The following SPAG7 variants were observed in gnomAD, a reference collection of about 807,000 sequenced individuals.
SPAG7 encodes the protein sperm-associated antigen 7.
SPAG7 carries 20 observed loss-of-function variants against 30.6 expected under a neutral mutation model. That is an observed-to-expected ratio of 0.65 (90% CI 0.46 to 0.95). The LOEUF (loss-of-function observed/expected upper bound fraction) is 0.95. Among genes scored for constraint, SPAG7 ranks in the 40% least tolerant of loss-of-function variants. The probability of loss-of-function intolerance (pLI) is 0.00; values close to 1 mark genes in which losing one functional copy is unlikely to be tolerated. For synonymous variants in SPAG7, 127 were observed against 104.2 expected (o/e 1.22, Z -1.33); for missense variants, 276 against 291.1 (o/e 0.95, Z 0.38).
intron 1 of SPAG7, chr17:4,967,319 G>A (rs1264064193): frequency 2.8e-6 from 2 of 718,846 alleles, no homozygotes; most frequent in African/African-American, 1.9e-5. Context: ...GCTTTAAGTT[G>A]AGATAGCCAA....
In SPAG7 at chr17:4,960,122, G is replaced by A; in HGVS notation, c.328-11C>T. 2 of 1,608,766 alleles carry A rather than the reference G, an allele frequency of 1.2e-6. No individual in the cohort carries two copies. Among genetic ancestry groups the A allele is most frequent in the Non-Finnish European group, 1.7e-6 (2 of 1,175,024 alleles). On this transcript the variant is annotated splice_polypyrimidine_tract_variant and intron_variant, in intron 4 of 6. Coordinates refer to ENST00000206020, the MANE Select transcript of SPAG7 (RefSeq NM_004890.3). The stretch of plus-strand genomic sequence containing the variant: ...TGAGGGTGCAAACTCCTGAAGAAGA[G>A]CAGAATGATGGGGTCAGAGTCCATA...
chr17:4,967,699 T>C (rs746946989), intron 1 of SPAG7, 21 bp downstream of exon 1: 1 of 1,591,132 alleles, frequency 6.3e-7, no homozygotes, highest in Non-Finnish European at 8.6e-7. Flanking sequence ...AGGAAGGCGG[T>C]TGTGAATTTG....
At chr17:4,966,539 CAG>C (rs1405934106) in intron 1 of SPAG7, 1 of 966,374 alleles carries the variant, frequency 1.0e-6, no homozygotes, top group East Asian at 1.1e-4. Flanking sequence ...CCTCCTTTCT[CAG>C]AGATTTCAAA....
intron 1 of SPAG7, chr17:4,966,785 G>A (rs1971960708): frequency 3.3e-5 from 33 of 985,466 alleles, no homozygotes; most frequent in Non-Finnish European, 4.0e-5. Flanking sequence ...CCTAACGGTT[G>A]TTCAAGAAAC....
chr17:4,961,314 G>A (rs911545082), intron 1 of SPAG7, among the ~76,000 whole-genome samples: 5 of 151,804 alleles, frequency 3.3e-5, no homozygotes, highest in South Asian at 2.1e-4. Context: ...AAAATTAGCC[G>A]GGTGTGGTGG....
rs1168970981 is a variant in SPAG7 at position 4,959,497 on chromosome 17, C to T, written c.*37G>A. 6.4e-7 allele frequency: 1 copy of T among 1,551,878 alleles called. No individual in the cohort carries two copies. Among genetic ancestry groups the T allele is most frequent in the South Asian group, 1.1e-5 (1 of 89,852 alleles). ...CAGCCTTGTCTCTCCCTGCCCCCTGCCCTGCCCCAGGGGTCAAAGGGAGCT... is the reference window on the plus strand; with the variant it reads ...CAGCCTTGTCTCTCCCTGCCCCCTGTCCTGCCCCAGGGGTCAAAGGGAGCT... On this transcript the variant is annotated 3_prime_UTR_variant, in exon 7 of 7. Transcript: ENST00000206020.
Position 4,960,495 on chromosome 17 carries a change from T to G in SPAG7, c.206A>C (p.Lys69Thr). ...FIQDSGQIKK[K>T]FQPMNKIERS... is the part of the protein sequence containing the mutation. The stretch of plus-strand genomic sequence containing the variant: ...CTCGATCTTGTTCATTGGCTGAAAC[T>G]TTTTCTTGATCTGCCCACTGTCTTG... Residue 69 changes from lysine to threonine, a missense_variant, in exon 3 of 7, where the codon AAG (lysine) becomes ACG (threonine). By Grantham distance (78) the Lys-to-Thr change is moderately conservative. Coordinates refer to ENST00000206020, the MANE Select transcript of SPAG7 (RefSeq NM_004890.3). The G allele has an allele frequency of 3.1e-6, 5 of 1,601,478 alleles. No individual in the cohort carries two copies. In the African/African-American group the frequency reaches 4.1e-5, roughly 13 times the overall value.
Position 4,959,677 on chromosome 17 carries a change from A to G in SPAG7, c.575-34T>C, listed in dbSNP as rs374632524. The G allele has an allele frequency of 7.4e-6, 12 of 1,613,256 alleles. No individual in the cohort carries two copies. In the East Asian group the frequency reaches 2.2e-4, roughly 30 times the overall value. Reference sequence around the variant, plus strand: ...AGAGAGGAGGGTAGGGCGGGCCTAGAAATCCGTACCTCAGCCTCCACTGCC... The same window carrying G: ...AGAGAGGAGGGTAGGGCGGGCCTAGGAATCCGTACCTCAGCCTCCACTGCC... On this transcript the variant is annotated intron_variant, in intron 6 of 6. Coordinates refer to ENST00000206020, the MANE Select transcript of SPAG7 (RefSeq NM_004890.3).
chr17:4,965,422 A>C (rs1217858883), intron 1 of SPAG7, among the ~76,000 whole-genome samples: 2 of 151,948 alleles, frequency 1.3e-5, no homozygotes, highest in African/African-American at 4.8e-5. Context: ...AAACATTGAG[A>C]TCTACCGTGA....
At chr17:4,962,832 G>A (rs1971885646) in intron 1 of SPAG7, among the ~76,000 whole-genome samples, 1 of 151,880 alleles carries the variant, frequency 6.6e-6, no homozygotes, top group African/African-American at 2.4e-5. Context: ...ACAAGTGTGG[G>A]CCCAGGCTGG....
chr17:4,960,597 T>C, intron 2 of SPAG7, 50 bp from the exon 3 acceptor site: 1 of 1,494,992 alleles, frequency 6.7e-7, no homozygotes, highest in Non-Finnish European at 9.3e-7. Context: ...TCCACCCAAG[T>C]ACCCCTCTCC....
At chr17:4,960,632 GCCTCCCCAGCAC>G (rs758160021) in intron 2 of SPAG7, 85 bp from the exon 3 acceptor site, 16 of 1,346,194 alleles carry the variant, frequency 1.2e-5, no homozygotes, top group Admixed American at 1.8e-5. Flanking sequence ...GCCCTTCTAC[GCCTCCCCAGCAC>G]CCTCCCCAGC....
chr17:4,967,604 C>A lies in SPAG7; in HGVS notation c.85+116G>T. The A allele has an allele frequency of 5.1e-6, 4 of 791,304 alleles. No homozygotes were observed. In the South Asian group the frequency reaches 6.1e-5, roughly 12 times the overall value. The allele number at this position is 791,304 out of a possible 1,614,324, so 49.0% of individuals were successfully genotyped here. ...GCCCTTTTAGGGACTCTGAGGGTCT[C>A]GGAAGGGGCCTGTGAGGGGTCTTTC... On this transcript the variant is annotated intron_variant, in intron 1 of 6. Coordinates refer to ENST00000206020, the MANE Select transcript of SPAG7 (RefSeq NM_004890.3).
chr17:4,960,577 A>C lies in SPAG7; in HGVS notation c.154-30T>G, dbSNP rs748219500. On this transcript the variant is annotated intron_variant, in intron 2 of 6. Transcript: ENST00000206020. ...GGAGAGGGGAAAGGAAGCAGATATG[A>C]GACAATGGCTCCACCCAAGTACCCC... 5 of 1,566,128 alleles carry C rather than the reference A, an allele frequency of 3.2e-6. No homozygotes were observed. The African/African-American group carries it at 6.8e-5, about 21-fold the overall frequency.
chr17:4,959,777 T>C lies in SPAG7; in HGVS notation c.557A>G (p.Asn186Ser). 2.5e-6 allele frequency: 4 copies of C among 1,614,184 alleles called. No homozygotes were observed. Among genetic ancestry groups the C allele is most frequent in the Middle Eastern group, 1.6e-4 (1 of 6,062 alleles). ...GGCCTCACCACAGCCGTAGGTCTTA[T>C]TGGCCTGTAGCATGTGGGCTGCGTC... Reference protein sequence around the residue: ...AKDAAHMLQANKTYGCVPVAN... With the variant: ...AKDAAHMLQASKTYGCVPVAN... Residue 186 changes from asparagine to serine, a missense_variant, in exon 6 of 7, where the codon AAT becomes AGT. Asn to Ser is a conservative substitution (Grantham distance 46). Transcript: ENST00000206020.
intron 1 of SPAG7, among the ~76,000 whole-genome samples, chr17:4,965,183 G>C (rs1228667361): frequency 6.6e-6 from 1 of 152,174 alleles, no homozygotes; most frequent in African/African-American, 2.4e-5. Flanking sequence ...AAAGTGTTGG[G>C]ATTACAGGCG....
chr17:4,959,756 T>C lies in SPAG7; in HGVS notation c.574+4A>G. ...AGCCACCCCCAGCCGCACTGTGGCCTCACCACAGCCGTAGGTCTTATTGGC... is the reference window on the plus strand; with the variant it reads ...AGCCACCCCCAGCCGCACTGTGGCCCCACCACAGCCGTAGGTCTTATTGGC... On this transcript the variant is annotated splice_donor_region_variant and intron_variant, in intron 6 of 6. Coordinates refer to ENST00000206020, the MANE Select transcript of SPAG7 (RefSeq NM_004890.3). 1.2e-6 allele frequency: 2 copies of C among 1,614,150 alleles called. No individual in the cohort carries two copies. Among genetic ancestry groups the C allele is most frequent in the Non-Finnish European group, 1.7e-6 (2 of 1,180,012 alleles).
In SPAG7 at chr17:4,960,984, T is replaced by A. The variant is rs1050229601; in HGVS notation, c.86-131A>T. The A allele has an allele frequency of 1.0e-5, 8 of 776,352 alleles. No homozygotes were observed. The Admixed American group carries it at 1.7e-4, about 17-fold the overall frequency. 48.1% of individuals were successfully genotyped at this position (776,352 alleles called of 1,614,324 possible). A position where few individuals can be genotyped will look rare whatever the true frequency, so the allele number is the denominator to read the frequency against. ...GGAAGGTAGGATTAGCGTTTATTCA[T>A]CAAGCATTTATTGATGTTTATTCTA... On this transcript the variant is annotated intron_variant, in intron 1 of 6. Coordinates refer to ENST00000206020, the MANE Select transcript of SPAG7 (RefSeq NM_004890.3).
In SPAG7 at chr17:4,959,866, C is replaced by T; in HGVS notation, c.468G>A (p.Val156=). The T allele has an allele frequency of 6.2e-7, 1 of 1,613,980 alleles. No individual in the cohort carries two copies. The highest frequency in any genetic ancestry group is 8.5e-7 in the Non-Finnish European group (1 of 1,180,028). The change falls in exon 6 of 7, where the codon GTG becomes GTA. Residue 156 remains valine (V), a synonymous_variant. Transcript: ENST00000206020. ...CCTTGTAGTCGCTGGCAGGGCTCAC[C>T]ACCACAGGCCCCTGCTGGGCTGCCT... ...EEEAAQQGPV[V]VSPASDYKDK... is the part of the protein sequence containing the mutation.
Sources: allele counts gnomAD v4.1 joint callset (sites outside exome capture counted in the v4.1 genomes callset), GRCh38; gene constraint gnomAD v4.1.1; transcripts MANE v1.5; gene names NCBI Gene and HGNC (gene_info 2026-07-23, HGNC 2026-07-21).